Variants in TRAPPC9 observed in about 807,000 individuals in gnomAD.
TRAPPC9 encodes trafficking protein particle complex subunit 9.
In TRAPPC9, 83 loss-of-function variants were observed where a neutral mutation model predicts 124.0. The observed-to-expected ratio is 0.67, with a 90% CI of 0.56 to 0.80. The LOEUF (loss-of-function observed/expected upper bound fraction) is 0.80. Among genes scored for constraint, TRAPPC9 ranks in the 30% least tolerant of loss-of-function variants. TRAPPC9 has a pLI of 0.00. For synonymous variants in TRAPPC9, 638 were observed against 617.5 expected, an observed-to-expected ratio of 1.03 and a Z score of -0.49; for missense variants, 1,302 against 1,508.3, an observed-to-expected ratio of 0.86 and a Z score of 2.27.
chr8:140,367,905 G>C (rs925319621), intron 8 of TRAPPC9, among the ~76,000 whole-genome samples: 26 of 152,154 alleles, frequency 1.7e-4, no homozygotes, highest in Admixed American at 5.9e-4. Flanking sequence ...ATGAAATAAG[G>C]GGTGGGGAGA....
At chr8:140,245,215 A>G (rs2063951988) in intron 16 of TRAPPC9, among the ~76,000 whole-genome samples, 1 of 152,220 alleles carries the variant, frequency 6.6e-6, no homozygotes, top group African/African-American at 2.4e-5. Flanking sequence ...AGAAAACACG[A>G]CACAGGTCCA....
chr8:139,740,340 A>G (rs757415611), intron 21 of TRAPPC9, among the ~76,000 whole-genome samples: 1 of 152,210 alleles, frequency 6.6e-6, no homozygotes, highest in African/African-American at 2.4e-5. Context: ...AACACGGGCT[A>G]TAAGTAAAGG....
chr8:140,326,196 C>G (rs2066732059), intron 9 of TRAPPC9, among the ~76,000 whole-genome samples: 1 of 147,784 alleles, frequency 6.8e-6, no homozygotes. Flanking sequence ...ACCATCCTGG[C>G]TAACACAGTG....
chr8:139,814,171 C>T (rs931851485), intron 21 of TRAPPC9, among the ~76,000 whole-genome samples: 16 of 152,208 alleles, frequency 1.1e-4, no homozygotes, highest in African/African-American at 3.9e-4. Context: ...CCCTGTGCTC[C>T]GCGAGGCAGG....
At chr8:140,121,726 A>G (rs1392429544) in intron 17 of TRAPPC9, among the ~76,000 whole-genome samples, 2 of 152,338 alleles carry the variant, frequency 1.3e-5, no homozygotes, top group East Asian at 3.9e-4. Flanking sequence ...AGTGGCTTCC[A>G]CTTCACCATC....
chr8:140,290,740 C>CA (rs1163471078), intron 12 of TRAPPC9, among the ~76,000 whole-genome samples: 1 of 152,186 alleles, frequency 6.6e-6, no homozygotes, highest in Non-Finnish European at 1.5e-5. Context: ...ATCTTATACC[C>CA]AATCAACTAA....
chr8:140,301,608 C>T (rs2065978314), intron 10 of TRAPPC9, among the ~76,000 whole-genome samples: 1 of 152,196 alleles, frequency 6.6e-6, no homozygotes, highest in Non-Finnish European at 1.5e-5. Flanking sequence ...GGACGTCAGA[C>T]AGAAAGGACA....
At chr8:140,007,869 A>T (rs570092535) in intron 18 of TRAPPC9, among the ~76,000 whole-genome samples, 1 of 152,374 alleles carries the variant, frequency 6.6e-6, no homozygotes, top group Non-Finnish European at 1.5e-5. Context: ...AATATGCATC[A>T]GTAAAACATA....
chr8:140,096,331 T>C (rs1319831956), intron 17 of TRAPPC9: 2 of 152,214 alleles, frequency 1.3e-5, no homozygotes, highest in African/African-American at 4.8e-5. Context: ...TCTGAGCAGC[T>C]AGGGAGCCAC....
chr8:139,771,581 C>T (rs1451555277), intron 21 of TRAPPC9, among the ~76,000 whole-genome samples: 5 of 152,136 alleles, frequency 3.3e-5, no homozygotes, highest in East Asian at 1.9e-4. Context: ...GTCATGGAAG[C>T]GTAGGACAGT....
intron 21 of TRAPPC9, among the ~76,000 whole-genome samples, chr8:139,765,894 C>T (rs764400594): frequency 1.1e-4 from 17 of 152,188 alleles, no homozygotes; most frequent in Non-Finnish European, 1.9e-4. Flanking sequence ...TGTGCCAGGG[C>T]GGTGAGCTGG....
At chr8:139,933,031 C>T (rs1833292760) in intron 19 of TRAPPC9, 1 of 157,370 alleles carries the variant, frequency 6.4e-6, no homozygotes, top group Non-Finnish European at 1.4e-5. Flanking sequence ...AGCATCTCCT[C>T]ATTCCCCGCC....
intron 18 of TRAPPC9, among the ~76,000 whole-genome samples, chr8:140,009,412 AAT>A (rs1255234668): frequency 6.6e-6 from 1 of 152,234 alleles, no homozygotes; most frequent in Non-Finnish European, 1.5e-5. Context: ...CTAAATAAAA[AAT>A]AGTGAAAAAT....
At chr8:140,301,621 G>C (rs1563929112) in intron 10 of TRAPPC9, among the ~76,000 whole-genome samples, 1 of 152,246 alleles carries the variant, frequency 6.6e-6, no homozygotes, top group Non-Finnish European at 1.5e-5. Context: ...AAAGGACAAG[G>C]AGCAGAGGTG....
intron 9 of TRAPPC9, among the ~76,000 whole-genome samples, chr8:140,326,489 C>T (rs999618266): frequency 6.6e-6 from 1 of 152,316 alleles, no homozygotes; most frequent in South Asian, 2.1e-4. Context: ...CTACAATGCT[C>T]TGCAACCATG....
At chr8:140,239,219 T>C (rs2063801944) in intron 16 of TRAPPC9, among the ~76,000 whole-genome samples, 1 of 151,854 alleles carries the variant, frequency 6.6e-6, no homozygotes, top group Non-Finnish European at 1.5e-5. Context: ...CTCAGCCCCC[T>C]CAAATCAGGA....
intron 21 of TRAPPC9, among the ~76,000 whole-genome samples, chr8:139,875,047 C>A (rs892177295): frequency 6.6e-6 from 1 of 152,214 alleles, no homozygotes; most frequent in African/African-American, 2.4e-5. Context: ...TCCACAAACA[C>A]TTTTTCTTTT....
chr8:140,420,414 T>A (rs1298670578), intron 5 of TRAPPC9, among the ~76,000 whole-genome samples: 1 of 152,118 alleles, frequency 6.6e-6, no homozygotes, highest in Admixed American at 6.5e-5. Context: ...TAACCAAAAC[T>A]ATCTTGAGAA....
chr8:139,742,515 C>G lies in TRAPPC9; in HGVS notation c.3056-10313G>C, dbSNP rs1036348043. Among the ~76,000 whole-genome samples the G allele has an allele frequency of 3.3e-5, 5 of 152,214 alleles. No individual in the cohort carries two copies. The highest frequency in any genetic ancestry group is 6.5e-5 in the Admixed American group (1 of 15,284). On this transcript the variant is annotated intron_variant, in intron 21 of 22. Coordinates refer to ENST00000438773, the MANE Select transcript of TRAPPC9 (RefSeq NM_001160372.4). This position sits in a 1 kb window ranked among gnomAD's most constrained non-coding sequence, Gnocchi z 4.7. ...GAAGTCTCTTCCCTCAAGCACAGCA[C>G]AACACAACATGCAATCAGGGACCAG...
Sources: allele counts gnomAD v4.1 joint callset (sites outside exome capture counted in the v4.1 genomes callset), GRCh38; gene constraint gnomAD v4.1.1; non-coding constraint Gnocchi (gnomAD v3.1); transcripts MANE v1.5; gene names NCBI Gene and HGNC (gene_info 2026-07-23, HGNC 2026-07-21).